Variants in PECR observed in about 807,000 individuals in gnomAD.
The protein encoded by PECR is peroxisomal trans-2-enoyl-CoA reductase, also known as 2,4-dienoyl-CoA reductase-related protein.
A neutral mutation model predicts 35.3 loss-of-function variants in PECR; 30 were observed. That is an observed-to-expected ratio of 0.85 (90% CI 0.64 to 1.15). PECR has a LOEUF of 1.15. PECR is among the 50% of genes most tolerant of loss of function. The probability of loss-of-function intolerance (pLI) is 0.00; values close to 1 mark genes in which losing one functional copy is unlikely to be tolerated. For synonymous variants in PECR, 148 were observed against 138.9 expected (o/e 1.07, Z -0.46); for missense variants, 392 against 370.8 (o/e 1.06, Z -0.47).
intron 1 of PECR, among the ~76,000 whole-genome samples, chr2:216,074,422 A>T: frequency 6.6e-6 from 1 of 151,596 alleles, no homozygotes; most frequent in African/African-American, 2.4e-5. Flanking sequence ...ACAGAGTGAG[A>T]CTGTGTCAAG....
chr2:216,078,775 C>T (rs1222377558), intron 1 of PECR, among the ~76,000 whole-genome samples: 1 of 152,038 alleles, frequency 6.6e-6, no homozygotes, highest in Non-Finnish European at 1.5e-5. Context: ...GACCAATGTC[C>T]TAATGTTTTA....
At position 216,081,690 on chromosome 2, in the gene PECR, C is replaced by T; in HGVS notation, c.52G>A (p.Gly18Ser). ...CCGCCGGTGACGATGGCCACTTGGCCCTGCAGCAAACCAGGCGCCAGGTAG... is the reference window on the plus strand; with the variant it reads ...CCGCCGGTGACGATGGCCACTTGGCTCTGCAGCAAACCAGGCGCCAGGTAG... ...RSYLAPGLLQ[G>S]QVAIVTGGAT... Residue 18 changes from glycine to serine, a missense_variant, in exon 1 of 8, where the codon GGC becomes AGC. Gly to Ser is a moderately conservative substitution (Grantham distance 56, BLOSUM62 0). Coordinates refer to ENST00000265322, the MANE Select transcript of PECR (RefSeq NM_018441.6). 2 of 1,613,716 alleles carry T rather than the reference C, an allele frequency of 1.2e-6. No individual in the cohort carries two copies. Among genetic ancestry groups the T allele is most frequent in the Non-Finnish European group, 1.7e-6 (2 of 1,179,956 alleles).
chr2:216,044,619 G>T lies in PECR; in HGVS notation c.715-604C>A, dbSNP rs150911781. On this transcript the variant is annotated intron_variant, in intron 6 of 7. Coordinates refer to ENST00000265322, the MANE Select transcript of PECR (RefSeq NM_018441.6). ...TAGGAGGCTGAGGTGGGAGCATTGCGTGGGCCTAAGAGGTTGCAGTGAGCC... is the reference window on the plus strand; with the variant it reads ...TAGGAGGCTGAGGTGGGAGCATTGCTTGGGCCTAAGAGGTTGCAGTGAGCC... 4.5e-3 allele frequency among the ~76,000 whole-genome samples: 692 copies of T among 152,168 alleles called. 7 individuals carry two copies. The highest frequency in any genetic ancestry group is 0.016 in the African/African-American group (662 of 41,514).
At position 216,066,059 on chromosome 2, in the gene PECR, G is replaced by A. The variant is rs143878887; in HGVS notation, c.258+326C>T. On this transcript the variant is annotated intron_variant, in intron 2 of 7. Transcript: ENST00000265322. ...GAATTGCTTGAACCTGGGAGGTGTA[G>A]GTTGCAGTGAGCCGATATAGTGCCA... Among the ~76,000 whole-genome samples the A allele has an allele frequency of 5.4e-3, 827 of 152,332 alleles. 9 individuals carry two copies. The highest frequency in any genetic ancestry group is 0.019 in the African/African-American group (785 of 41,574).
intron 1 of PECR, among the ~76,000 whole-genome samples, chr2:216,068,275 A>G (rs1283619686): frequency 2.0e-5 from 3 of 151,628 alleles, no homozygotes; most frequent in Non-Finnish European, 4.4e-5. Context: ...CACTGATGAT[A>G]TAATTAAATA....
At chr2:216,037,434 C>A (rs550281089), downstream of PECR, among the ~76,000 whole-genome samples, 119 of 152,318 alleles carry the variant, frequency 7.8e-4, no homozygotes, top group Non-Finnish European at 1.5e-3. Flanking sequence ...CTGCCTTTTC[C>A]ATCTTCTCCA....
In PECR at chr2:216,053,236, A is replaced by ATTTTG. The variant is rs149907098; in HGVS notation, c.507-1696_507-1692dup. 2.7e-3 allele frequency among the ~76,000 whole-genome samples: 400 copies of ATTTTG among 149,842 alleles called. 1 individual carries two copies. Among genetic ancestry groups the ATTTTG allele is most frequent in the African/African-American group, 8.1e-3 (332 of 40,782 alleles). On this transcript the variant is annotated intron_variant, in intron 4 of 7. Coordinates refer to ENST00000265322, the MANE Select transcript of PECR (RefSeq NM_018441.6). ...TGCTTTGGATTTCAAATCTGTTCTG[A>ATTTTG]TTTTGTTTTGTTTTGTTTTGTTTTG...
At chr2:216,069,570 T>G (rs1415577542) in intron 1 of PECR, among the ~76,000 whole-genome samples, 1 of 152,074 alleles carries the variant, frequency 6.6e-6, no homozygotes, top group Non-Finnish European at 1.5e-5. Flanking sequence ...CTTAACATCA[T>G]GAGGAAAGTG....
In PECR at chr2:216,051,533, A is replaced by G; in HGVS notation, c.519T>C (p.Ala173=). ...AGFPLAVHSG[A]ARAGVYNLTK... is the part of the protein sequence containing the mutation. ...TGAGGTTGTAAACACCTGCTCTTGCAGCTCCAGAATGCCTTTGAAAGACAA... is the reference window on the plus strand; with the variant it reads ...TGAGGTTGTAAACACCTGCTCTTGCGGCTCCAGAATGCCTTTGAAAGACAA... Residue 173 remains alanine (A), a synonymous_variant, in exon 5 of 8, where the codon GCT becomes GCC. Coordinates refer to ENST00000265322, the MANE Select transcript of PECR (RefSeq NM_018441.6). 6.2e-7 allele frequency: 1 copy of G among 1,607,770 alleles called. No homozygotes were observed.
At position 216,042,968 on chromosome 2, in the gene PECR, TACGTATATGTGTATATATATATAC is replaced by T. The variant is rs1318586894; in HGVS notation, c.826+912_826+935del. Among the ~76,000 whole-genome samples, 7 of 82,916 alleles carry T rather than the reference TACGTATATGTGTATATATATATAC, an allele frequency of 8.4e-5. 1 individual carries two copies. Among genetic ancestry groups the T allele is most frequent in the African/African-American group, 1.9e-4 (4 of 20,874 alleles). The allele number at this position is 82,916 out of a possible 152,430, so 54.4% of individuals were successfully genotyped here. A position where few individuals can be genotyped will look rare whatever the true frequency, so the allele number is the denominator to read the frequency against. On this transcript the variant is annotated intron_variant, in intron 7 of 7. Transcript: ENST00000265322. ...GTATATGTGTATATATATATACACA[TACGTATATGTGTATATATATATAC>T]ATACGTATATGTGTATATATATATA... is the stretch of plus-strand genomic sequence containing the variant.
intron 1 of PECR, among the ~76,000 whole-genome samples, chr2:216,077,541 C>T (rs1030943402): frequency 6.6e-6 from 1 of 151,358 alleles, no homozygotes; most frequent in African/African-American, 2.4e-5. Context: ...GGTGCAGTGG[C>T]TCACGCCTGT....
intron 7 of PECR, among the ~76,000 whole-genome samples, chr2:216,043,486 G>C (rs753492788): frequency 2.6e-5 from 4 of 152,012 alleles, no homozygotes; most frequent in Non-Finnish European, 5.9e-5. Context: ...ATCTCAAAGA[G>C]AGCACAAAAT....
chr2:216,069,660 A>G (rs1375801873), intron 1 of PECR, among the ~76,000 whole-genome samples: 1 of 152,134 alleles, frequency 6.6e-6, no homozygotes, highest in Non-Finnish European at 1.5e-5. Context: ...TTTTGGGGCC[A>G]GGCATGGTGG....
At chr2:216,045,778 A>T (rs756669668) in intron 6 of PECR, among the ~76,000 whole-genome samples, 13 of 152,262 alleles carry the variant, frequency 8.5e-5, no homozygotes, top group Non-Finnish European at 1.9e-4. Context: ...CGCATCAAAA[A>T]GAGACTTGCT....
At chr2:216,035,375 G>C (rs1241650948), downstream of PECR, among the ~76,000 whole-genome samples, 4 of 152,098 alleles carry the variant, frequency 2.6e-5, no homozygotes, top group African/African-American at 7.2e-5. Context: ...CAGGTTTCTA[G>C]CAAGTTCCAC....
chr2:216,030,580 G>A (rs1694664264), intron 7 of PECR, among the ~76,000 whole-genome samples: 1 of 151,770 alleles, frequency 6.6e-6, no homozygotes, highest in African/African-American at 2.4e-5. Flanking sequence ...GTCTCGCCCT[G>A]TCACCCAAGC....
intron 3 of PECR, 27 bp from the exon 4 acceptor site, chr2:216,059,003 T>C (rs779670167): frequency 2.8e-6 from 4 of 1,409,424 alleles, no homozygotes; most frequent in Middle Eastern, 1.8e-4. Context: ...AACTCAATCA[T>C]TAAATTTTTA....
At chr2:216,059,874 T>C (rs1695300544) in intron 3 of PECR, among the ~76,000 whole-genome samples, 1 of 152,216 alleles carries the variant, frequency 6.6e-6, no homozygotes, top group African/African-American at 2.4e-5. Flanking sequence ...CAAAATTGTT[T>C]TGGCTATTCT....
chr2:216,062,075 CAG>C (rs1469439191), intron 3 of PECR, among the ~76,000 whole-genome samples: 1 of 140,820 alleles, frequency 7.1e-6, no homozygotes, highest in Non-Finnish European at 1.5e-5. Context: ...TTTTTTGAGA[CAG>C]AGTCTCACTC....
Sources: allele counts gnomAD v4.1 joint callset (sites outside exome capture counted in the v4.1 genomes callset), GRCh38; gene constraint gnomAD v4.1.1; transcripts MANE v1.5; gene names NCBI Gene and HGNC (gene_info 2026-07-23, HGNC 2026-07-21).